The following NDUFA6 variants were observed in gnomAD, a reference collection of about 807,000 sequenced individuals.
The protein encoded by NDUFA6 is NADH:ubiquinone oxidoreductase subunit A6, also known as NADH dehydrogenase [ubiquinone] 1 alpha subcomplex subunit 6.
NDUFA6 carries 10 observed loss-of-function variants against 12.5 expected under a neutral mutation model. That is an observed-to-expected ratio of 0.80 (90% CI 0.49 to 1.35). NDUFA6 has a LOEUF of 1.35. NDUFA6 is among the 40% of genes most tolerant of loss of function. The probability of loss-of-function intolerance (pLI) is 0.00; values close to 1 mark genes in which losing one functional copy is unlikely to be tolerated. For synonymous variants in NDUFA6, 66 were observed against 63.0 expected (o/e 1.05, Z -0.23); for missense variants, 177 against 173.5 (o/e 1.02, Z -0.11).
rs541278073 is a variant in NDUFA6 at position 42,088,179 on chromosome 22, G to C, written c.140-1004C>G. ...TCCCAGCACTTTGGGAGGCCGAGGC[G>C]GGTGGATCATGAGGTCAGGAGATCG... On this transcript the variant is annotated intron_variant, in intron 1 of 2. Transcript: ENST00000498737. Among the ~76,000 whole-genome samples the C allele has an allele frequency of 2.8e-5, 4 of 144,186 alleles. No individual in the cohort carries two copies. In the East Asian group the frequency reaches 8.5e-4, roughly 31 times the overall value. 94.6% of individuals were successfully genotyped at this position (144,186 alleles called of 152,430 possible).
At position 42,086,035 on chromosome 22, in the gene NDUFA6, T is replaced by G; in HGVS notation, c.*148A>C. On this transcript the variant is annotated 3_prime_UTR_variant, in exon 3 of 3. Coordinates refer to ENST00000498737, the MANE Select transcript of NDUFA6 (RefSeq NM_002490.6). ...TCAAGAAAAGGGAAAGAACAGGTGA[T>G]GTGTATACCAAGGTCCCACTTGCTC... is the stretch of plus-strand genomic sequence containing the variant. The G allele has an allele frequency of 1.1e-6, 1 of 941,844 alleles. No individual in the cohort carries two copies. The highest frequency in any genetic ancestry group is 1.3e-5 in the South Asian group (1 of 76,064). 58.3% of individuals were successfully genotyped at this position (941,844 alleles called of 1,614,324 possible).
intron 2 of NDUFA6, 121 bp from the exon 3 acceptor site, chr22:42,086,435 T>A: frequency 1.5e-6 from 2 of 1,336,322 alleles, no homozygotes; most frequent in Non-Finnish European, 2.1e-6. Flanking sequence ...GGCAAGTAAC[T>A]ACTCTGTCTG....
intron 1 of NDUFA6, 128 bp downstream of exon 1, chr22:42,090,478 C>T (rs2146878121): frequency 8.4e-7 from 1 of 1,187,542 alleles, no homozygotes; most frequent in South Asian, 1.2e-5. Flanking sequence ...ACCCTCTTCC[C>T]CTGAAGCACC....
Position 42,086,124 on chromosome 22 carries a change from A to G in NDUFA6, c.*59T>C, listed in dbSNP as rs1928220631. 6.2e-7 allele frequency: 1 copy of G among 1,612,312 alleles called. No individual in the cohort carries two copies. Among genetic ancestry groups the G allele is most frequent in the Non-Finnish European group, 8.5e-7 (1 of 1,178,554 alleles). Reference sequence around the variant, plus strand: ...AATTCTATCACAAAGTGACCATTGTATAGTGAGTTTATTTGTGCTCTAAAA... The same window carrying G: ...AATTCTATCACAAAGTGACCATTGTGTAGTGAGTTTATTTGTGCTCTAAAA... On this transcript the variant is annotated 3_prime_UTR_variant, in exon 3 of 3. Transcript: ENST00000498737.
Position 42,086,145 on chromosome 22 carries a change from T to TA in NDUFA6, c.*37dup, listed in dbSNP as rs1928222323. 6.2e-7 allele frequency: 1 copy of TA among 1,614,016 alleles called. No individual in the cohort carries two copies. On this transcript the variant is annotated 3_prime_UTR_variant, in exon 3 of 3. Coordinates refer to ENST00000498737, the MANE Select transcript of NDUFA6 (RefSeq NM_002490.6). ...TTGTATAGTGAGTTTATTTGTGCTC[T>TA]AAAATAGTATCAACGTGCATCTTTC...
chr22:42,085,899 C>T lies in NDUFA6; in HGVS notation c.*284G>A. On this transcript the variant is annotated 3_prime_UTR_variant, in exon 3 of 3. Transcript: ENST00000498737. ...CAACTACATTAACAAGTCGTCCAGC[C>T]TCATGCCCAATGTCACAATTTTTGA... 2 of 531,038 alleles carry T rather than the reference C, an allele frequency of 3.8e-6. No individual in the cohort carries two copies. Among genetic ancestry groups the T allele is most frequent in the Admixed American group, 3.1e-5 (1 of 31,886 alleles). 32.9% of individuals were successfully genotyped at this position (531,038 alleles called of 1,614,324 possible). A position where few individuals can be genotyped will look rare whatever the true frequency, so the allele number is the denominator to read the frequency against.
chr22:42,090,470 C>T, intron 1 of NDUFA6, 136 bp downstream of exon 1: 2 of 1,093,494 alleles, frequency 1.8e-6, no homozygotes, highest in Non-Finnish European at 2.8e-6. Context: ...CTCGGGTGAC[C>T]CTCTTCCCCT....
rs753968519 is a variant in NDUFA6, at chr22:42,090,729, C to T, written c.16G>A (p.Val6Ile). Residue 6 changes from valine to isoleucine, a missense_variant, in exon 1 of 3, where the codon GTC (valine) becomes ATC (isoleucine). Val to Ile is a conservative substitution (Grantham distance 29, BLOSUM62 3). This residue lies in a region of NDUFA6 where 111 missense variants were observed against 87.2 expected (regional missense o/e 1.27). Transcript: ENST00000498737. MAGSG[V>I]RQATSTASTF... ...CTGGCGGTAGAAGTAGCTTGGCGGA[C>T]GCCGCTCCCCGCCATCTTGCCAAAG... 6 of 1,614,004 alleles carry T rather than the reference C, an allele frequency of 3.7e-6. No homozygotes were observed. The East Asian group carries it at 1.1e-4, about 30-fold the overall frequency.
In NDUFA6 at chr22:42,086,038, G is replaced by GTA. The variant is rs2146871136; in HGVS notation, c.*143_*144dup. The GTA allele has an allele frequency of 1.0e-6, 1 of 987,490 alleles. No homozygotes were observed. Among genetic ancestry groups the GTA allele is most frequent in the South Asian group, 1.3e-5 (1 of 77,342 alleles). The allele number at this position is 987,490 out of a possible 1,614,324, so 61.2% of individuals were successfully genotyped here. ...AGAAAAGGGAAAGAACAGGTGATGTGTATACCAAGGTCCCACTTGCTCAGG... is the reference window on the plus strand; with the variant it reads ...AGAAAAGGGAAAGAACAGGTGATGTGTATATACCAAGGTCCCACTTGCTCAGG... On this transcript the variant is annotated 3_prime_UTR_variant, in exon 3 of 3. Transcript: ENST00000498737.
Position 42,087,136 on chromosome 22 carries a change from C to T in NDUFA6, c.179G>A (p.Arg60Gln), listed in dbSNP as rs374704865. ...FQLDITVKMG[R>Q]DKVREMFMKN... ...CATAAACATTTCTCGGACTTTATCC[C>T]GTCCCATTTTCACAGTGATGTCCAG... Residue 60 changes from arginine to glutamine, a missense_variant, in exon 2 of 3, where the codon CGG becomes CAG. This residue lies in a region of NDUFA6 where 111 missense variants were observed against 87.2 expected (regional missense o/e 1.27). Transcript: ENST00000498737. The T allele has an allele frequency of 2.6e-5, 42 of 1,614,106 alleles. No homozygotes were observed. In the African/African-American group the frequency reaches 4.3e-4, roughly 16 times the overall value.
rs1167790209 is a variant in NDUFA6 at position 42,085,567 on chromosome 22, AGGTAC to A, written c.*611_*615del. ...TGTTGATGTTTATTCTGCCACTGAG[AGGTAC>A]ACCAGGGTTTCCAAAGACAGTAGGA... is the stretch of plus-strand genomic sequence containing the variant. On this transcript the variant is annotated 3_prime_UTR_variant, in exon 3 of 3. Transcript: ENST00000498737. 2 of 162,244 alleles carry A rather than the reference AGGTAC, an allele frequency of 1.2e-5. No individual in the cohort carries two copies. Among genetic ancestry groups the A allele is most frequent in the Non-Finnish European group, 2.7e-5 (2 of 74,096 alleles). 10.1% of individuals were successfully genotyped at this position (162,244 alleles called of 1,614,324 possible).
Position 42,085,830 on chromosome 22 carries a change from CTG to C in NDUFA6, c.*351_*352del. ...GAAGAGCTGGCTAATTTTAGATAAT[CTG>C]TGCCCTGACACTGAAGTGTCTAATC... On this transcript the variant is annotated 3_prime_UTR_variant, in exon 3 of 3. Coordinates refer to ENST00000498737, the MANE Select transcript of NDUFA6 (RefSeq NM_002490.6). 1 of 376,680 alleles carries C rather than the reference CTG, an allele frequency of 2.7e-6. No individual in the cohort carries two copies. The highest frequency in any genetic ancestry group is 5.0e-6 in the Non-Finnish European group (1 of 198,988). 23.3% of individuals were successfully genotyped at this position (376,680 alleles called of 1,614,324 possible). A position where few individuals can be genotyped will look rare whatever the true frequency, so the allele number is the denominator to read the frequency against.
At chr22:42,087,810 T>C (rs1440138439) in intron 1 of NDUFA6, among the ~76,000 whole-genome samples, 1 of 127,352 alleles carries the variant, frequency 7.9e-6, no homozygotes, top group Non-Finnish European at 1.7e-5. Flanking sequence ...TCAAAAAAAA[T>C]AATAATTATT....
At chr22:42,090,480 TG>T (rs999677531) in intron 1 of NDUFA6, 125 bp downstream of exon 1, 2 of 1,204,392 alleles carry the variant, frequency 1.7e-6, no homozygotes, top group African/African-American at 3.0e-5. Context: ...CCTCTTCCCC[TG>T]AAGCACCCGC....
At chr22:42,090,167 A>G in intron 1 of NDUFA6, 1 of 294,352 alleles carries the variant, frequency 3.4e-6, no homozygotes, top group African/African-American at 2.2e-5. Flanking sequence ...AGCCTGAGCG[A>G]CACAGCGAGA....
Position 42,090,659 on chromosome 22 carries a change from T to C in NDUFA6, c.86A>G (p.Lys29Arg), listed in dbSNP as rs1269603934. ...GCGGTAGAGCTCGCGCACCCTCCGC[T>C]TGGCCTCGTTCATGTCCCGACTGAA... ...PIFSRDMNEA[K>R]RRVRELYRAW... Residue 29 changes from lysine (K) to arginine (R), a missense_variant, in exon 1 of 3, where the codon AAG (lysine) becomes AGG (arginine). Coordinates refer to ENST00000498737, the MANE Select transcript of NDUFA6 (RefSeq NM_002490.6). The C allele has an allele frequency of 6.2e-7, 1 of 1,614,048 alleles. No individual in the cohort carries two copies. The highest frequency in any genetic ancestry group is 1.3e-5 in the African/African-American group (1 of 74,950).
intron 1 of NDUFA6, among the ~76,000 whole-genome samples, chr22:42,088,267 C>T (rs1277937564): frequency 2.7e-5 from 4 of 149,910 alleles, no homozygotes; most frequent in African/African-American, 4.9e-5. Flanking sequence ...ATTAGCCGGG[C>T]GCGGTGGCGG....
intron 2 of NDUFA6, 72 bp downstream of exon 2, chr22:42,086,987 GT>G: frequency 9.5e-7 from 1 of 1,058,030 alleles, no homozygotes; most frequent in Non-Finnish European, 1.5e-6. Context: ...GAGACAAAAT[GT>G]TCATTTGGAA....
chr22:42,090,528 C>T (rs1225069762), intron 1 of NDUFA6, 78 bp downstream of exon 1: 2 of 1,548,014 alleles, frequency 1.3e-6, no homozygotes, highest in South Asian at 2.2e-5. Context: ...TCAGCTGGGC[C>T]CATGAGAAAC....
Sources: allele counts gnomAD v4.1 joint callset (sites outside exome capture counted in the v4.1 genomes callset), GRCh38; gene constraint gnomAD v4.1.1; regional missense constraint gnomAD v4.1.1; transcripts MANE v1.5; gene names NCBI Gene and HGNC (gene_info 2026-07-23, HGNC 2026-07-21).